The following CSMD3 variants were observed in gnomAD, a reference collection of about 807,000 sequenced individuals.
CSMD3 encodes the protein CUB and sushi domain-containing protein 3.
CSMD3 carries 177 observed loss-of-function variants against 435.2 expected under a neutral mutation model. That is an observed-to-expected ratio of 0.41 (90% CI 0.36 to 0.46). The LOEUF is 0.46. Among genes scored for constraint, CSMD3 ranks in the 20% least tolerant of loss-of-function variants. The pLI, the probability that CSMD3 is intolerant of heterozygous loss-of-function variation, is 0.34. For missense variants in CSMD3, 4,265 were observed against 4,504.6 expected (o/e 0.95, Z 1.52); for synonymous variants, 1,656 against 1,520.5 (o/e 1.09, Z -2.07).
At chr8:113,403,407 C>A (rs551478933) in intron 1 of CSMD3, among the ~76,000 whole-genome samples, 1 of 151,222 alleles carries the variant, frequency 6.6e-6, no homozygotes, top group Admixed American at 6.6e-5. Flanking sequence ...ATAAAAAGAA[C>A]CTCTAGTCTA....
intron 5 of CSMD3, among the ~76,000 whole-genome samples, chr8:113,072,269 A>G (rs991791019): frequency 6.6e-6 from 1 of 151,662 alleles, no homozygotes; most frequent in Non-Finnish European, 1.5e-5. Flanking sequence ...ACTTCTTCTT[A>G]TTTAGATGTT....
chr8:112,971,005 G>C (rs1256487726), intron 7 of CSMD3, among the ~76,000 whole-genome samples: 1 of 152,056 alleles, frequency 6.6e-6, no homozygotes, highest in Non-Finnish European at 1.5e-5. Flanking sequence ...ACAGGCGTGG[G>C]CCACCACGCC....
At chr8:113,391,287 G>C (rs1436143836) in intron 1 of CSMD3, among the ~76,000 whole-genome samples, 2 of 152,004 alleles carry the variant, frequency 1.3e-5, no homozygotes, top group African/African-American at 4.8e-5. Context: ...CAAGTAGTCA[G>C]ATACTCTAAG....
intron 3 of CSMD3, among the ~76,000 whole-genome samples, chr8:113,175,132 A>G (rs2092328489): frequency 6.6e-6 from 1 of 151,938 alleles, no homozygotes; most frequent in Non-Finnish European, 1.5e-5. Flanking sequence ...CGATGTCAAT[A>G]TTAAGCAAAA....
intron 4 of CSMD3, among the ~76,000 whole-genome samples, chr8:113,125,150 G>A (rs902719822): frequency 4.6e-5 from 7 of 151,808 alleles, no homozygotes; most frequent in Non-Finnish European, 1.0e-4. Context: ...ATCTATTCCT[G>A]CATAAGGAGT....
At chr8:112,644,509 T>C (rs902159727) in intron 20 of CSMD3, among the ~76,000 whole-genome samples, 4 of 152,074 alleles carry the variant, frequency 2.6e-5, no homozygotes, top group African/African-American at 9.6e-5. Flanking sequence ...TGTTTAATAC[T>C]ACAGAGCCTT....
In CSMD3 at chr8:112,222,962, T is replaced by G; in HGVS notation, c.*1809A>C. 2.5e-6 allele frequency: 1 copy of G among 396,818 alleles called. No individual in the cohort carries two copies. Among genetic ancestry groups the G allele is most frequent in the Non-Finnish European group, 4.5e-6 (1 of 224,586 alleles). 24.6% of individuals were successfully genotyped at this position (396,818 alleles called of 1,614,324 possible). A position where few individuals can be genotyped will look rare whatever the true frequency, so the allele number is the denominator to read the frequency against. On this transcript the variant is annotated 3_prime_UTR_variant, in exon 71 of 71. Coordinates refer to ENST00000297405, the MANE Select transcript of CSMD3 (RefSeq NM_198123.2). Reference sequence around the variant, plus strand: ...AGCAATTATCCATTTTTATTTTGTTTACATTGCACTGAAAATTTACATCAT... The same window carrying G: ...AGCAATTATCCATTTTTATTTTGTTGACATTGCACTGAAAATTTACATCAT...
At chr8:112,825,887 A>G (rs554548317) in intron 12 of CSMD3, among the ~76,000 whole-genome samples, 3 of 152,294 alleles carry the variant, frequency 2.0e-5, no homozygotes, top group African/African-American at 7.2e-5. Flanking sequence ...CTTTGCTGAA[A>G]GGAAAATCAC....
chr8:112,883,463 T>G (rs1051734567), intron 10 of CSMD3, among the ~76,000 whole-genome samples: 2 of 151,966 alleles, frequency 1.3e-5, no homozygotes, highest in African/African-American at 2.4e-5. Context: ...AATTTACAAA[T>G]AGGTAGTGTT....
At chr8:112,567,785 T>C (rs889879844) in intron 24 of CSMD3, among the ~76,000 whole-genome samples, 1 of 152,148 alleles carries the variant, frequency 6.6e-6, no homozygotes, top group African/African-American at 2.4e-5. Flanking sequence ...TACTGTATTG[T>C]GATCTCAATT....
intron 9 of CSMD3, among the ~76,000 whole-genome samples, chr8:112,941,934 T>C (rs796979564): frequency 5.9e-5 from 9 of 151,710 alleles, no homozygotes; most frequent in African/African-American, 1.9e-4. Context: ...TTGCAATGAA[T>C]GAATCAACAT....
rs909293858 is a variant in CSMD3, at chr8:112,410,356, T to A, written c.5396-1324A>T. The stretch of plus-strand genomic sequence containing the variant: ...ATTTCCTAGAAGTCATGAATACAAA[T>A]TTATGTTTCCACCTAACCAGACACA... On this transcript the variant is annotated intron_variant, in intron 32 of 70. Coordinates refer to ENST00000297405, the MANE Select transcript of CSMD3 (RefSeq NM_198123.2). Among the ~76,000 whole-genome samples, 3 of 151,118 alleles carry A rather than the reference T, an allele frequency of 2.0e-5. No individual in the cohort carries two copies. The Admixed American group carries it at 2.0e-4, about 10-fold the overall frequency.
chr8:112,963,293 G>T (rs1234701479), intron 7 of CSMD3, among the ~76,000 whole-genome samples: 4 of 151,892 alleles, frequency 2.6e-5, no homozygotes, highest in African/African-American at 9.7e-5. Flanking sequence ...GTTCCTTATG[G>T]TTTCTTTACA....
At chr8:112,789,715 G>C (rs535575311) in intron 13 of CSMD3, among the ~76,000 whole-genome samples, 1 of 151,874 alleles carries the variant, frequency 6.6e-6, no homozygotes, top group Non-Finnish European at 1.5e-5. Flanking sequence ...TTAAAGAAAC[G>C]TCAAATCATA....
chr8:112,297,536 A>T (rs1474141401), intron 53 of CSMD3, among the ~76,000 whole-genome samples: 1 of 152,136 alleles, frequency 6.6e-6, no homozygotes, highest in East Asian at 1.9e-4. Flanking sequence ...CCTATTCACG[A>T]TTAAAAACTG....
intron 1 of CSMD3, among the ~76,000 whole-genome samples, chr8:113,392,021 A>G (rs2094463200): frequency 1.3e-5 from 2 of 152,018 alleles, no homozygotes; most frequent in Non-Finnish European, 2.9e-5. Flanking sequence ...TTTGACCCTT[A>G]TAGTAGAAAA....
chr8:112,553,923 T>C (rs1011496823), intron 25 of CSMD3, among the ~76,000 whole-genome samples: 52 of 152,144 alleles, frequency 3.4e-4, no homozygotes, highest in African/African-American at 1.2e-3. Context: ...GCCAGTTATT[T>C]AATTAACTAT....
chr8:112,462,548 G>A (rs1304539958), intron 32 of CSMD3, among the ~76,000 whole-genome samples: 1 of 151,982 alleles, frequency 6.6e-6, no homozygotes, highest in Non-Finnish European at 1.5e-5. Context: ...TCGATTATTT[G>A]ACAGTTATTT....
intron 5 of CSMD3, among the ~76,000 whole-genome samples, chr8:113,087,583 A>G (rs1480526486): frequency 6.6e-6 from 1 of 152,088 alleles, no homozygotes; most frequent in Non-Finnish European, 1.5e-5. Flanking sequence ...TCTTTGACAA[A>G]CCTGACAAAA....
Sources: allele counts gnomAD v4.1 joint callset (sites outside exome capture counted in the v4.1 genomes callset), GRCh38; gene constraint gnomAD v4.1.1; transcripts MANE v1.5; gene names NCBI Gene and HGNC (gene_info 2026-07-23, HGNC 2026-07-21).